The following SPAG9 variants were observed in gnomAD, a reference collection of about 807,000 sequenced individuals.
SPAG9 encodes C-Jun-amino-terminal kinase-interacting protein 4.
Under a neutral mutation model 166.5 loss-of-function variants are expected in SPAG9, and 35 were observed. The observed-to-expected ratio is 0.21, with a 90% CI of 0.16 to 0.28. SPAG9 has a LOEUF of 0.28. Among genes scored for constraint, SPAG9 ranks in the 10% least tolerant of loss-of-function variants. The pLI, the probability that SPAG9 is intolerant of heterozygous loss-of-function variation, is 1.00. For missense variants in SPAG9, 1,235 were observed against 1,603.3 expected (o/e 0.77, Z 3.92); for synonymous variants, 534 against 565.5 (o/e 0.94, Z 0.79).
At chr17:51,046,285 T>C (rs915824290) in intron 4 of SPAG9, among the ~76,000 whole-genome samples, 8 of 152,206 alleles carry the variant, frequency 5.3e-5, no homozygotes, top group African/African-American at 1.7e-4. Context: ...AAGTACAATA[T>C]GAAAATCCTT....
At chr17:50,995,286 T>C (rs2044627827) in intron 17 of SPAG9, 62 bp from the exon 18 acceptor site, 1 of 1,490,748 alleles carries the variant, frequency 6.7e-7, no homozygotes, top group African/African-American at 1.4e-5. Flanking sequence ...TCATGTTTTC[T>C]TAAAATAACT....
intron 3 of SPAG9, among the ~76,000 whole-genome samples, chr17:51,048,727 T>C (rs2047099239): frequency 6.6e-6 from 1 of 152,222 alleles, no homozygotes; most frequent in East Asian, 1.9e-4. Flanking sequence ...TTATTTATCA[T>C]CAAATAAACA....
chr17:51,059,087 A>T (rs2047435063), intron 2 of SPAG9, among the ~76,000 whole-genome samples: 1 of 152,236 alleles, frequency 6.6e-6, no homozygotes. Context: ...GCCACACACA[A>T]CATCATGGAC....
chr17:50,998,224 G>T (rs936010129), intron 15 of SPAG9, among the ~76,000 whole-genome samples: 2 of 151,606 alleles, frequency 1.3e-5, no homozygotes, highest in Admixed American at 6.6e-5. Context: ...TAGAGATGGG[G>T]TTTCACCATA....
At chr17:50,968,270 G>A (rs901394045) in intron 29 of SPAG9, among the ~76,000 whole-genome samples, 9 of 152,086 alleles carry the variant, frequency 5.9e-5, no homozygotes, top group African/African-American at 2.2e-4. Context: ...TTGTCACATT[G>A]TCATTTAAAT....
chr17:51,119,366 G>A (rs1020974483), intron 1 of SPAG9, among the ~76,000 whole-genome samples: 1 of 152,078 alleles, frequency 6.6e-6, no homozygotes, highest in Non-Finnish European at 1.5e-5. Context: ...AGGTGCTTGA[G>A]AAACAAAAAT....
intron 5 of SPAG9, among the ~76,000 whole-genome samples, chr17:51,035,881 A>T (rs1218424184): frequency 1.3e-5 from 2 of 152,228 alleles, no homozygotes; most frequent in Non-Finnish European, 2.9e-5. Flanking sequence ...ACATATGTAT[A>T]CACATGCATA....
chr17:51,102,122 T>C (rs1244931409), intron 1 of SPAG9, among the ~76,000 whole-genome samples: 1 of 152,082 alleles, frequency 6.6e-6, no homozygotes, highest in East Asian at 1.9e-4. Context: ...GTGGCTCACA[T>C]TTGTAATCCT....
At chr17:51,014,712 G>A (rs958322464) in intron 8 of SPAG9, 2 of 168,554 alleles carry the variant, frequency 1.2e-5, no homozygotes, top group Non-Finnish European at 1.3e-5. Flanking sequence ...ATTTCTCACA[G>A]TGGCAAAAAC....
At chr17:50,985,568 AG>A (rs1251751231) in intron 23 of SPAG9, 129 bp downstream of exon 23, 1 of 581,300 alleles carries the variant, frequency 1.7e-6, no homozygotes, top group Non-Finnish European at 3.0e-6. Flanking sequence ...TTCCATAAAA[AG>A]GGTTAAAAAA....
intron 1 of SPAG9, among the ~76,000 whole-genome samples, chr17:51,111,319 G>A (rs2049104314): frequency 1.3e-5 from 2 of 152,146 alleles, no homozygotes; most frequent in African/African-American, 4.8e-5. Context: ...TTAGATAACA[G>A]CTGTATTCAT....
At chr17:51,096,059 A>AG (rs2144714865) in intron 1 of SPAG9, among the ~76,000 whole-genome samples, 1 of 145,598 alleles carries the variant, frequency 6.9e-6, no homozygotes, top group African/African-American at 2.5e-5. Flanking sequence ...ATAGTGATAT[A>AG]TATATATATA....
chr17:51,001,104 A>G (rs2044929235), intron 13 of SPAG9, among the ~76,000 whole-genome samples: 1 of 152,234 alleles, frequency 6.6e-6, no homozygotes, highest in African/African-American at 2.4e-5. Flanking sequence ...CAACATGTCA[A>G]TGCATACTAT....
At chr17:51,052,619 C>T (rs1301676442) in intron 3 of SPAG9, among the ~76,000 whole-genome samples, 1 of 146,716 alleles carries the variant, frequency 6.8e-6, no homozygotes, top group Non-Finnish European at 1.5e-5. Flanking sequence ...ATCTTTTCCT[C>T]AAGGAATAGA....
intron 6 of SPAG9, among the ~76,000 whole-genome samples, chr17:51,025,713 A>C (rs2046140517): frequency 6.6e-6 from 1 of 152,176 alleles, no homozygotes; most frequent in Admixed American, 6.5e-5. Context: ...AAACCTGGTG[A>C]AACACTGTCT....
At chr17:51,076,674 T>C (rs2047978191) in intron 2 of SPAG9, among the ~76,000 whole-genome samples, 1 of 151,598 alleles carries the variant, frequency 6.6e-6, no homozygotes, top group Non-Finnish European at 1.5e-5. Context: ...GGGCGGAGGT[T>C]GCAGTGAGCC....
At chr17:51,081,468 G>A (rs55951137) in intron 1 of SPAG9, among the ~76,000 whole-genome samples, 7,318 of 151,730 alleles carry the variant, frequency 0.048, 523 homozygotes, top group African/African-American at 0.16. Flanking sequence ...AGCAGGCCAG[G>A]AGCAGTGACT....
chr17:51,079,663 CT>C lies in SPAG9; in HGVS notation c.344del (p.Lys115ArgfsTer10), dbSNP rs1291599092. ...AAGATTCCACTCGGGTCTGTAAGTC[CT>C]TTTTTTCCTGTTCTTGAGAGTCTTC... ...EFEDSQEQEK[K>X]DLQTRVESLE... On this transcript the variant is annotated frameshift_variant, in exon 2 of 30. Coordinates refer to ENST00000262013, the MANE Select transcript of SPAG9 (RefSeq NM_001130528.3). LOFTEE classifies it high-confidence loss of function. The C allele has an allele frequency of 1.2e-5, 19 of 1,600,078 alleles. No homozygotes were observed. The highest frequency in any genetic ancestry group is 1.5e-5 in the Non-Finnish European group (17 of 1,167,574).
intron 2 of SPAG9, 113 bp downstream of exon 2, chr17:51,079,471 C>G: frequency 1.1e-6 from 1 of 933,244 alleles, no homozygotes; most frequent in Admixed American, 2.4e-5. Flanking sequence ...ACTCCTGAAC[C>G]CAAGTGATCC....
Sources: allele counts gnomAD v4.1 joint callset (sites outside exome capture counted in the v4.1 genomes callset), GRCh38; gene constraint gnomAD v4.1.1; transcripts MANE v1.5; gene names NCBI Gene and HGNC (gene_info 2026-07-23, HGNC 2026-07-21).